The following NECTIN1 variants were observed in gnomAD, a reference collection of about 807,000 sequenced individuals.
NECTIN1 encodes the protein nectin cell adhesion molecule 1, also known as nectin-1.
NECTIN1 carries 23 observed loss-of-function variants against 48.0 expected under a neutral mutation model. That is an observed-to-expected ratio of 0.48 (90% CI 0.34 to 0.68). The LOEUF is 0.68. Among genes scored for constraint, NECTIN1 ranks in the 30% least tolerant of loss-of-function variants. NECTIN1 has a pLI of 0.01. For missense variants in NECTIN1, 591 were observed against 709.9 expected, an observed-to-expected ratio of 0.83 and a Z score of 1.90; for synonymous variants, 270 against 288.9, an observed-to-expected ratio of 0.93 and a Z score of 0.66.
chr11:119,675,044 A>G lies in NECTIN1; in HGVS notation c.1003+115T>C, dbSNP rs546142865. 8 of 1,278,634 alleles carry G rather than the reference A, an allele frequency of 6.3e-6. No individual in the cohort carries two copies. In the African/African-American group the frequency reaches 1.2e-4, roughly 19 times the overall value. The allele number at this position is 1,278,634 out of a possible 1,614,324, so 79.2% of individuals were successfully genotyped here. ...AATGGCCAGAGCTCAAGGGAGAACT[A>G]GAGAAGCAGGAAAAGGAGATAATCT... On this transcript the variant is annotated intron_variant, in intron 5 of 5. Coordinates refer to ENST00000264025, the MANE Select transcript of NECTIN1 (RefSeq NM_002855.5).
intron 5 of NECTIN1, chr11:119,674,517 G>C (rs1039390832): frequency 1.1e-5 from 18 of 1,613,726 alleles, no homozygotes; most frequent in African/African-American, 2.7e-5. Flanking sequence ...CAGATGGTGG[G>C]GGGGGCCCTG....
At chr11:119,680,561 G>T (rs1565389555) in intron 1 of NECTIN1, among the ~76,000 whole-genome samples, 1 of 152,208 alleles carries the variant, frequency 6.6e-6, no homozygotes, top group African/African-American at 2.4e-5. Context: ...GCAGTAAGTT[G>T]CTCCCCTCTC....
Position 119,678,203 on chromosome 11 carries a change from G to A in NECTIN1, c.430+212C>T, listed in dbSNP as rs555129787. Among the ~76,000 whole-genome samples the A allele has an allele frequency of 9.9e-5, 15 of 152,272 alleles. No individual in the cohort carries two copies. Among genetic ancestry groups the A allele is most frequent in the South Asian group, 2.1e-4 (1 of 4,828 alleles). ...TGTGGGCTTCAACCTGAAGAATCACGTTCCCCACTGTCTAGAGATAAGCCC... is the reference window on the plus strand; with the variant it reads ...TGTGGGCTTCAACCTGAAGAATCACATTCCCCACTGTCTAGAGATAAGCCC... On this transcript the variant is annotated intron_variant, in intron 2 of 5. Coordinates refer to ENST00000264025, the MANE Select transcript of NECTIN1 (RefSeq NM_002855.5). This position sits in a 1 kb window ranked among gnomAD's most constrained non-coding sequence, Gnocchi z 4.4.
At chr11:119,671,292 C>A (rs1864858485) in intron 5 of NECTIN1, among the ~76,000 whole-genome samples, 2 of 152,178 alleles carry the variant, frequency 1.3e-5, no homozygotes, top group African/African-American at 4.8e-5. Flanking sequence ...AGCCAGGCCG[C>A]AGGGTCATTT....
At chr11:119,675,522 T>C (rs1338003532) in intron 4 of NECTIN1, 13 of 561,994 alleles carry the variant, frequency 2.3e-5, no homozygotes, top group Non-Finnish European at 3.7e-5. Flanking sequence ...AATATGGGAA[T>C]ATAGGCAGGC....
At chr11:119,722,742 A>G (rs11600071) in intron 1 of NECTIN1, among the ~76,000 whole-genome samples, 3,738 of 152,356 alleles carry the variant, frequency 0.025, 52 homozygotes, top group Middle Eastern at 0.14. Flanking sequence ...AAGTGAGGTC[A>G]GCAGTGCGCA....
intron 5 of NECTIN1, chr11:119,642,471 A>G (rs77873542): frequency 6.5e-6 from 1 of 153,420 alleles, no homozygotes; most frequent in African/African-American, 2.4e-5. Flanking sequence ...CAGGTTCAGG[A>G]CAAAAGGCTG....
At chr11:119,694,171 A>G (rs1865307217) in intron 1 of NECTIN1, among the ~76,000 whole-genome samples, 1 of 152,088 alleles carries the variant, frequency 6.6e-6, no homozygotes, top group African/African-American at 2.4e-5. Flanking sequence ...AGGGGCAGAG[A>G]AGGAGAGCTC....
At position 119,691,544 on chromosome 11, in the gene NECTIN1, G is replaced by C. The variant is rs145394918; in HGVS notation, c.80-12779C>G. ...TCTGCCTTGCTCTTGCCCCGCTACA[G>C]CAGGGCCTGTGGACACATCCAGGTC... On this transcript the variant is annotated intron_variant, in intron 1 of 5. Transcript: ENST00000264025. Among the ~76,000 whole-genome samples the C allele has an allele frequency of 1.5e-3, 223 of 152,362 alleles. 1 individual carries two copies. The highest frequency in any genetic ancestry group is 5.2e-3 in the African/African-American group (216 of 41,594).
intron 5 of NECTIN1, among the ~76,000 whole-genome samples, chr11:119,654,904 TTTTTATTTTTTA>T (rs1864547149): frequency 6.6e-6 from 1 of 151,562 alleles, no homozygotes; most frequent in Admixed American, 6.6e-5. Flanking sequence ...TTACATTTAT[TTTTTATTTTTTA>T]TTTTATTTTT....
chr11:119,726,491 C>T (rs1255135042), intron 1 of NECTIN1, among the ~76,000 whole-genome samples: 4 of 152,196 alleles, frequency 2.6e-5, no homozygotes, highest in Admixed American at 2.0e-4. Context: ...TATTAAGTAC[C>T]TCTCTCAACC....
intron 5 of NECTIN1, chr11:119,640,069 G>C: frequency 6.6e-7 from 1 of 1,515,586 alleles, no homozygotes; most frequent in Non-Finnish European, 9.0e-7. Flanking sequence ...GACCCAAAGA[G>C]AGTCAGAGAT....
Position 119,663,837 on chromosome 11 carries a change from C to T in NECTIN1, c.*910G>A. The T allele has an allele frequency of 2.0e-6, 2 of 985,594 alleles. No homozygotes were observed. Among genetic ancestry groups the T allele is most frequent in the Non-Finnish European group, 2.4e-6 (2 of 830,044 alleles). 61.1% of individuals were successfully genotyped at this position (985,594 alleles called of 1,614,324 possible). Reference sequence around the variant, plus strand: ...GAAGCTTCTATAGGCAGACCCCATTCTCAGCTTAAAGGGGGAATGAGGTGG... The same window carrying T: ...GAAGCTTCTATAGGCAGACCCCATTTTCAGCTTAAAGGGGGAATGAGGTGG... On this transcript the variant is annotated 3_prime_UTR_variant, in exon 6 of 6. Coordinates refer to ENST00000264025, the MANE Select transcript of NECTIN1 (RefSeq NM_002855.5).
intron 1 of NECTIN1, among the ~76,000 whole-genome samples, chr11:119,687,812 G>A (rs1414226420): frequency 6.6e-6 from 1 of 152,178 alleles, no homozygotes; most frequent in African/African-American, 2.4e-5. Flanking sequence ...ATCCCAGGAG[G>A]GGCCTGTGGG....
rs146766002 is a variant in NECTIN1, at chr11:119,638,632, C to T, written c.1227+99G>A. On this transcript the variant is annotated intron_variant, in intron 7 of 7. Coordinates refer to the NECTIN1 transcript ENST00000341398. ...TGGGAACTGGACCATGAAGGCGTGG[C>T]GGCTCTGTCTTCAGCTTGGGCTCTC... is the stretch of plus-strand genomic sequence containing the variant. 2.1e-3 allele frequency: 2,364 copies of T among 1,110,538 alleles called. 41 individuals carry two copies. In the African/African-American group the frequency reaches 0.031, roughly 14 times the overall value. The allele number at this position is 1,110,538 out of a possible 1,614,324, so 68.8% of individuals were successfully genotyped here.
Position 119,661,650 on chromosome 11 carries a change from C to T in NECTIN1, c.*3097G>A, listed in dbSNP as rs1332048316. ...TGAGGAAGGCAGAAAAGTTATTGCA[C>T]CAGTGACTTGGGCAAGTGGGGGTTG... On this transcript the variant is annotated 3_prime_UTR_variant, in exon 6 of 6. Transcript: ENST00000264025. 1.0e-6 allele frequency: 1 copy of T among 985,898 alleles called. No individual in the cohort carries two copies. The highest frequency in any genetic ancestry group is 1.2e-6 in the Non-Finnish European group (1 of 829,964). The allele number at this position is 985,898 out of a possible 1,614,324, so 61.1% of individuals were successfully genotyped here.
intron 1 of NECTIN1, among the ~76,000 whole-genome samples, chr11:119,720,384 C>A (rs932074971): frequency 6.6e-6 from 1 of 152,258 alleles, no homozygotes; most frequent in East Asian, 1.9e-4. Flanking sequence ...ACTCCACGAG[C>A]CCACGCAATC....
intron 1 of NECTIN1, among the ~76,000 whole-genome samples, chr11:119,724,980 C>T (rs1160276990): frequency 6.6e-6 from 1 of 152,186 alleles, no homozygotes; most frequent in Non-Finnish European, 1.5e-5. Context: ...ACCTCTCTGT[C>T]TGTCCCTCTC....
At position 119,713,866 on chromosome 11, in the gene NECTIN1, C is replaced by T. The variant is rs759666422; in HGVS notation, c.79+14609G>A. The T allele has an allele frequency of 5.3e-5, 24 of 455,792 alleles. 1 individual carries two copies. The highest frequency in any genetic ancestry group is 3.3e-4 in the Middle Eastern group (1 of 3,056). 28.2% of individuals were successfully genotyped at this position (455,792 alleles called of 1,614,324 possible). On this transcript the variant is annotated intron_variant, in intron 1 of 5. Transcript: ENST00000264025. ...TTTGGGGCTACAGTCCTGGGCCCGGCGTTGCTTGCCAGTGAGATGTCTGAT... is the reference window on the plus strand; with the variant it reads ...TTTGGGGCTACAGTCCTGGGCCCGGTGTTGCTTGCCAGTGAGATGTCTGAT...
Sources: gnomAD v4.1 joint callset for allele counts (sites outside exome capture counted in the v4.1 genomes callset) on GRCh38, gnomAD v4.1.1 for gene constraint, Gnocchi (gnomAD v3.1) non-coding constraint, MANE v1.5 for transcripts, NCBI Gene and HGNC (gene_info 2026-07-23, HGNC 2026-07-21) for gene names.